The following CAPN1 variants were observed in gnomAD, a reference collection of about 807,000 sequenced individuals.
CAPN1 encodes the protein calpain 1.
Under a neutral mutation model 105.2 loss-of-function variants are expected in CAPN1, and 77 were observed. That is an observed-to-expected ratio of 0.73 (90% CI 0.61 to 0.88). CAPN1 has a LOEUF of 0.88. CAPN1 is among the 40% of genes least tolerant of loss of function. The probability of loss-of-function intolerance (pLI) is 0.00; values close to 1 mark genes in which losing one functional copy is unlikely to be tolerated. For missense variants in CAPN1, 833 were observed against 976.6 expected (o/e 0.85, Z 1.96); for synonymous variants, 355 against 388.8 (o/e 0.91, Z 1.02).
chr11:65,198,557 A>T (rs1486999979), intron 10 of CAPN1, among the ~76,000 whole-genome samples: 2 of 152,098 alleles, frequency 1.3e-5, no homozygotes, highest in African/African-American at 4.8e-5. Flanking sequence ...TTTTAATTCT[A>T]AAGTTTTTTT....
rs1484851147 is a variant in CAPN1 at position 65,209,496 on chromosome 11, T to C, written c.1794+109T>C. Reference sequence around the variant, plus strand: ...GAGAACAGGACAGAGCCATGCGGAGTGTGGACACACAGTGCCCCATGCTCA... The same window carrying C: ...GAGAACAGGACAGAGCCATGCGGAGCGTGGACACACAGTGCCCCATGCTCA... On this transcript the variant is annotated intron_variant, in intron 17 of 21. Transcript: ENST00000279247. This position sits in a 1 kb window ranked among gnomAD's most constrained non-coding sequence, Gnocchi z 4.1. 2 of 947,488 alleles carry C rather than the reference T, an allele frequency of 2.1e-6. No homozygotes were observed. Among genetic ancestry groups the C allele is most frequent in the Non-Finnish European group, 3.3e-6 (2 of 597,512 alleles). 58.7% of individuals were successfully genotyped at this position (947,488 alleles called of 1,614,324 possible). A position where few individuals can be genotyped will look rare whatever the true frequency, so the allele number is the denominator to read the frequency against.
chr11:65,186,941 G>T (rs1948642808), intron 6 of CAPN1, among the ~76,000 whole-genome samples: 1 of 152,234 alleles, frequency 6.6e-6, no homozygotes, highest in Admixed American at 6.5e-5. Context: ...TGTTCGCACA[G>T]GTTCTGGTCA....
chr11:65,190,724 G>GT (rs1355574999), intron 10 of CAPN1, among the ~76,000 whole-genome samples: 6 of 55,032 alleles, frequency 1.1e-4, no homozygotes, highest in Non-Finnish European at 2.1e-4. Flanking sequence ...TTTTGTTTTT[G>GT]TTTTTTGAGA....
rs201509961 is a variant in CAPN1, at chr11:65,186,302, G to A, written c.723G>A (p.Ala241=). 2.3e-5 allele frequency: 37 copies of A among 1,613,046 alleles called. No individual in the cohort carries two copies. The Admixed American group carries it at 2.7e-4, about 12-fold the overall frequency. ...ACCTCTACCAGATCATCCTCAAGGCGCTGGAGCGGGGCTCCCTGCTGGGCT... is the reference window on the plus strand; with the variant it reads ...ACCTCTACCAGATCATCCTCAAGGCACTGGAGCGGGGCTCCCTGCTGGGCT... The part of the protein sequence containing the change: ...PSDLYQIILK[A]LERGSLLGCS... Residue 241 remains alanine, a synonymous_variant, in exon 6 of 22, where the codon GCG becomes GCA. Coordinates refer to ENST00000279247, the MANE Select transcript of CAPN1 (RefSeq NM_005186.4).
intron 4 of CAPN1, among the ~76,000 whole-genome samples, chr11:65,185,300 C>G (rs17883163): frequency 4.6e-5 from 7 of 151,526 alleles, no homozygotes; most frequent in African/African-American, 1.7e-4. Context: ...GTTATAGTGG[C>G]AAGACAGACT....
chr11:65,190,024 A>G (rs920352168), intron 10 of CAPN1, among the ~76,000 whole-genome samples: 1 of 152,150 alleles, frequency 6.6e-6, no homozygotes, highest in Non-Finnish European at 1.5e-5. Flanking sequence ...ACAGTGGCAG[A>G]ACAGTCCCTG....
At position 65,188,115 on chromosome 11, in the gene CAPN1, T is replaced by C. The variant is rs1948663914; in HGVS notation, c.929+75T>C. 1 of 1,065,782 alleles carries C rather than the reference T, an allele frequency of 9.4e-7. No individual in the cohort carries two copies. Among genetic ancestry groups the C allele is most frequent in the Non-Finnish European group, 1.4e-6 (1 of 732,564 alleles). The allele number at this position is 1,065,782 out of a possible 1,614,324, so 66.0% of individuals were successfully genotyped here. A position where few individuals can be genotyped will look rare whatever the true frequency, so the allele number is the denominator to read the frequency against. ...GCCCCGACATTTCTGCTCGGGACTC[T>C]ACCAGGCCAGGCTGGACTCAGGATT... On this transcript the variant is annotated intron_variant, in intron 8 of 21. Transcript: ENST00000279247. This position sits in a 1 kb window ranked among gnomAD's most constrained non-coding sequence, Gnocchi z 5.5.
At chr11:65,181,756 C>T (rs900944815), upstream of CAPN1, 8 of 246,476 alleles carry the variant, frequency 3.2e-5, no homozygotes, top group Admixed American at 1.2e-4. The surrounding 1 kb of genome is among the most constrained non-coding windows in gnomAD (Gnocchi z 4.6). Flanking sequence ...GGCCCCCGGC[C>T]TGCGGAGGGA....
Position 65,208,141 on chromosome 11 carries a change from T to A in CAPN1, c.1671+21T>A. On this transcript the variant is annotated intron_variant, in intron 15 of 21. Coordinates refer to ENST00000279247, the MANE Select transcript of CAPN1 (RefSeq NM_005186.4). This position sits in a 1 kb window ranked among gnomAD's most constrained non-coding sequence, Gnocchi z 4.1. Reference sequence around the variant, plus strand: ...GGGAGGTAGGTTGGGGCATGGCAGGTTGGGAGGGGCCTGTGAGGGGCAGCC... The same window carrying A: ...GGGAGGTAGGTTGGGGCATGGCAGGATGGGAGGGGCCTGTGAGGGGCAGCC... 1 of 1,602,442 alleles carries A rather than the reference T, an allele frequency of 6.2e-7. No individual in the cohort carries two copies. The highest frequency in any genetic ancestry group is 1.1e-5 in the South Asian group (1 of 89,066).
At chr11:65,205,756 C>A (rs1461928153) in intron 12 of CAPN1, 35 bp downstream of exon 12, 3 of 1,607,312 alleles carry the variant, frequency 1.9e-6, no homozygotes, top group Non-Finnish European at 2.6e-6. Flanking sequence ...TGCAGTCACA[C>A]ACCCCTGATG....
chr11:65,205,386 C>T (rs1266506121), intron 11 of CAPN1, among the ~76,000 whole-genome samples: 1 of 152,220 alleles, frequency 6.6e-6, no homozygotes, highest in Non-Finnish European at 1.5e-5. Flanking sequence ...CACCCAAACC[C>T]CCTGGCAGCA....
At chr11:65,182,992 G>C in intron 2 of CAPN1, 24 bp downstream of exon 2, 1 of 1,612,792 alleles carries the variant, frequency 6.2e-7, no homozygotes, top group South Asian at 1.1e-5. Flanking sequence ...TCCTGGGTGG[G>C]ACTCGGCTAA....
At chr11:65,197,923 T>A (rs1948815435) in intron 10 of CAPN1, among the ~76,000 whole-genome samples, 1 of 151,082 alleles carries the variant, frequency 6.6e-6, no homozygotes, top group Non-Finnish European at 1.5e-5. Context: ...AAAGGAATAT[T>A]TTGTCCTTTG....
upstream of CAPN1, chr11:65,181,553 G>A (rs1948529433): frequency 5.0e-6 from 2 of 400,498 alleles, no homozygotes; most frequent in African/African-American, 4.4e-5. The surrounding 1 kb of genome is among the most constrained non-coding windows in gnomAD (Gnocchi z 4.6). Flanking sequence ...GCCCGCCAGG[G>A]CGCGCGTGGG....
chr11:65,207,575 G>A (rs1286947609), intron 14 of CAPN1, among the ~76,000 whole-genome samples: 2 of 152,074 alleles, frequency 1.3e-5, no homozygotes, highest in African/African-American at 2.4e-5. Context: ...GATATGGGGC[G>A]GGGCAGGGCA....
At chr11:65,203,132 TTGA>T (rs1948895846) in intron 10 of CAPN1, among the ~76,000 whole-genome samples, 2 of 152,260 alleles carry the variant, frequency 1.3e-5, no homozygotes, top group African/African-American at 4.8e-5. Flanking sequence ...CACTCTTCAG[TTGA>T]TGGATAATTG....
Position 65,194,847 on chromosome 11 carries a change from G to A in CAPN1, c.1165+6101G>A, listed in dbSNP as rs141682015. ...TTCCTGTGAACATTCATGTGCATGC[G>A]TTTCAACATATGTTTTCAGTTCTCT... On this transcript the variant is annotated intron_variant, in intron 10 of 21. Transcript: ENST00000279247. Among the ~76,000 whole-genome samples, 115 of 152,174 alleles carry A rather than the reference G, an allele frequency of 7.6e-4. 3 individuals carry two copies. In the East Asian group the frequency reaches 0.016, roughly 21 times the overall value.
intron 7 of CAPN1, chr11:65,187,621 T>C: frequency 4.2e-6 from 2 of 474,302 alleles, no homozygotes; most frequent in South Asian, 2.1e-5. Flanking sequence ...GTGCACTGGC[T>C]CACACCTGTA....
In CAPN1 at chr11:65,209,969, G is replaced by T; in HGVS notation, c.1864-49G>T. 1 of 1,611,686 alleles carries T rather than the reference G, an allele frequency of 6.2e-7. No homozygotes were observed. The highest frequency in any genetic ancestry group is 8.5e-7 in the Non-Finnish European group (1 of 1,178,326). Reference sequence around the variant, plus strand: ...ATGCAGGTGCGGGCCGGGCAGGTGGGAAGGGCCGGGTGACTCAGCCTGGCC... The same window carrying T: ...ATGCAGGTGCGGGCCGGGCAGGTGGTAAGGGCCGGGTGACTCAGCCTGGCC... On this transcript the variant is annotated intron_variant, in intron 18 of 21. Coordinates refer to ENST00000279247, the MANE Select transcript of CAPN1 (RefSeq NM_005186.4). This position sits in a 1 kb window ranked among gnomAD's most constrained non-coding sequence, Gnocchi z 4.1.
Sources: allele counts gnomAD v4.1 joint callset (sites outside exome capture counted in the v4.1 genomes callset), GRCh38; gene constraint gnomAD v4.1.1; non-coding constraint Gnocchi (gnomAD v3.1); transcripts MANE v1.5; gene names NCBI Gene and HGNC (gene_info 2026-07-23, HGNC 2026-07-21).